The following TOGARAM1 variants were observed in gnomAD, a reference collection of about 807,000 sequenced individuals.
The protein encoded by TOGARAM1 is TOG array regulator of axonemal microtubules 1.
TOGARAM1 carries 100 observed loss-of-function variants against 166.6 expected under a neutral mutation model. The observed-to-expected ratio is 0.60, with a 90% CI of 0.51 to 0.71. TOGARAM1 has a LOEUF of 0.71. TOGARAM1 is among the 30% of genes least tolerant of loss of function. TOGARAM1 has a pLI of 0.00. For synonymous variants in TOGARAM1, 758 were observed against 763.8 expected, an observed-to-expected ratio of 0.99 and a Z score of 0.13; for missense variants, 2,029 against 2,102.7, an observed-to-expected ratio of 0.96 and a Z score of 0.69.
At chr14:44,984,001 T>G (rs919362511) in intron 1 of TOGARAM1, among the ~76,000 whole-genome samples, 9 of 152,320 alleles carry the variant, frequency 5.9e-5, no homozygotes, top group Admixed American at 5.2e-4. Context: ...TCACCTTGCA[T>G]GAATAGTGGG....
intron 19 of TOGARAM1, 100 bp downstream of exon 19, chr14:45,071,898 C>T: frequency 1.3e-6 from 1 of 786,092 alleles, no homozygotes; most frequent in Non-Finnish European, 2.0e-6. Flanking sequence ...CTTAATATAG[C>T]TACCCACAAA....
In TOGARAM1 at chr14:44,963,401, C is replaced by A. The variant is rs775752267; in HGVS notation, c.980C>A (p.Ala327Asp). 6.2e-7 allele frequency: 1 copy of A among 1,614,176 alleles called. No individual in the cohort carries two copies. The highest frequency in any genetic ancestry group is 8.5e-7 in the Non-Finnish European group (1 of 1,180,044). The change falls in exon 1 of 20, where the codon GCC (alanine) becomes GAC (aspartate). Residue 327 changes from alanine to aspartate, a missense_variant. Coordinates refer to ENST00000361462, the MANE Select transcript of TOGARAM1 (RefSeq NM_001308120.2). Reference sequence around the variant, plus strand: ...GTTCCTTATTATTTGGAACTTGAAGCCTCTGGATTTCCTGAAGATCCCCTT... The same window carrying A: ...GTTCCTTATTATTTGGAACTTGAAGACTCTGGATTTCCTGAAGATCCCCTT... ...SQVPYYLELE[A>D]SGFPEDPLPC...
intron 13 of TOGARAM1, among the ~76,000 whole-genome samples, chr14:45,046,109 T>C (rs556180705): frequency 6.6e-6 from 1 of 151,970 alleles, no homozygotes; most frequent in South Asian, 2.1e-4. Context: ...CACAGGATGA[T>C]TGTTGAGGAG....
In TOGARAM1 at chr14:45,046,693, C is replaced by G. The variant is rs1184409603; in HGVS notation, c.4303C>G (p.Gln1435Glu). ...TGCTAAGTTTGCTCAAGACAGTTCA[C>G]AAGAAACCAGGTGAATATCTGCTAA... is the stretch of plus-strand genomic sequence containing the variant. Reference protein sequence around the residue: ...AAAKFAQDSSQETRYYGRKML... With the variant: ...AAAKFAQDSSEETRYYGRKML... Residue 1435 changes from glutamine (Q) to glutamate (E), a missense_variant, in exon 14 of 20, where the codon CAA (glutamine) becomes GAA (glutamate). Physicochemically the swap from Gln to Glu is conservative, Grantham distance 29. This residue lies in a region of TOGARAM1 where 576 missense variants were observed against 670.5 expected (regional missense o/e 0.86). Coordinates refer to ENST00000361462, the MANE Select transcript of TOGARAM1 (RefSeq NM_001308120.2). The G allele has an allele frequency of 7.8e-7, 1 of 1,285,270 alleles. No individual in the cohort carries two copies. The highest frequency in any genetic ancestry group is 9.9e-7 in the Non-Finnish European group (1 of 1,006,074). The allele number at this position is 1,285,270 out of a possible 1,614,324, so 79.6% of individuals were successfully genotyped here.
chr14:44,993,268 C>T (rs180857761), intron 1 of TOGARAM1, among the ~76,000 whole-genome samples: 95 of 151,380 alleles, frequency 6.3e-4, no homozygotes, highest in African/African-American at 2.2e-3. Flanking sequence ...GCCTGAGCAA[C>T]AGAGTGAGAA....
chr14:45,054,853 C>T (rs143926827), intron 16 of TOGARAM1, among the ~76,000 whole-genome samples: 67 of 151,948 alleles, frequency 4.4e-4, no homozygotes, highest in African/African-American at 1.4e-3. Flanking sequence ...ATTTTTCCCC[C>T]GATTGTAAAG....
intron 11 of TOGARAM1, among the ~76,000 whole-genome samples, chr14:45,034,040 C>A (rs966034122): frequency 6.6e-6 from 1 of 152,070 alleles, no homozygotes; most frequent in African/African-American, 2.4e-5. Context: ...GTCTGTAGTA[C>A]CAGCCACTTG....
chr14:45,056,437 G>A (rs2138982389), intron 16 of TOGARAM1, among the ~76,000 whole-genome samples: 1 of 152,234 alleles, frequency 6.6e-6, no homozygotes, highest in Admixed American at 6.5e-5. Context: ...GGGCATCTTT[G>A]ACTTGTTCCA....
intron 16 of TOGARAM1, among the ~76,000 whole-genome samples, chr14:45,057,360 T>G (rs1233552455): frequency 6.6e-6 from 1 of 152,166 alleles, no homozygotes; most frequent in African/African-American, 2.4e-5. Flanking sequence ...CTTGGGGGTT[T>G]GTTTTATTAT....
At chr14:45,023,097 C>A (rs755002232) in intron 7 of TOGARAM1, 1 of 152,174 alleles carries the variant, frequency 6.6e-6, no homozygotes, top group African/African-American at 2.4e-5. Flanking sequence ...GAATTACTTT[C>A]AAGTATTCCA....
chr14:45,048,744 A>G (rs1195705430), intron 14 of TOGARAM1, among the ~76,000 whole-genome samples: 2 of 152,190 alleles, frequency 1.3e-5, no homozygotes, highest in East Asian at 3.9e-4. Context: ...TGGGAGTTGG[A>G]GGCGGGTGGA....
intron 16 of TOGARAM1, among the ~76,000 whole-genome samples, chr14:45,060,136 T>C (rs1882838730): frequency 6.6e-6 from 1 of 151,188 alleles, no homozygotes; most frequent in Non-Finnish European, 1.5e-5. Flanking sequence ...GCCAGGATGG[T>C]CTCGATCTCC....
At chr14:45,022,712 A>C (rs901187244) in intron 7 of TOGARAM1, among the ~76,000 whole-genome samples, 1 of 152,004 alleles carries the variant, frequency 6.6e-6, no homozygotes, top group Non-Finnish European at 1.5e-5. Context: ...GGATTACCCC[A>C]TACTCAGGGT....
chr14:44,966,876 G>C (rs1332135062), intron 1 of TOGARAM1, among the ~76,000 whole-genome samples: 1 of 152,148 alleles, frequency 6.6e-6, no homozygotes, highest in African/African-American at 2.4e-5. Context: ...GATTGCTTGA[G>C]CCCAGGAGTT....
At chr14:45,011,420 C>G (rs796811755) in intron 6 of TOGARAM1, among the ~76,000 whole-genome samples, 1 of 152,164 alleles carries the variant, frequency 6.6e-6, no homozygotes, top group Admixed American at 6.5e-5. Flanking sequence ...TCAGGTGATC[C>G]TCCCACCTCG....
intron 7 of TOGARAM1, among the ~76,000 whole-genome samples, chr14:45,022,150 T>A (rs1481259338): frequency 6.6e-6 from 1 of 151,860 alleles, no homozygotes; most frequent in Non-Finnish European, 1.5e-5. Flanking sequence ...AGTCCCTGGG[T>A]TACTGTTGCC....
At chr14:44,972,712 A>T (rs1165342918) in intron 1 of TOGARAM1, among the ~76,000 whole-genome samples, 1 of 152,138 alleles carries the variant, frequency 6.6e-6, no homozygotes, top group Non-Finnish European at 1.5e-5. Context: ...TAATGTTAGC[A>T]TGGTGTACCT....
In TOGARAM1 at chr14:45,039,755, A is replaced by G. The variant is rs556504361; in HGVS notation, c.3813-3931A>G. On this transcript the variant is annotated intron_variant, in intron 11 of 19. Coordinates refer to ENST00000361462, the MANE Select transcript of TOGARAM1 (RefSeq NM_001308120.2). ...AGGGGGGTTTCCAGGGCCCCTGAGA[A>G]CACAGGAATGCCCAGGTCTGCAGCT... Among the ~76,000 whole-genome samples the G allele has an allele frequency of 7.1e-3, 1,075 of 152,230 alleles. 5 individuals are homozygous for G. The highest frequency in any genetic ancestry group is 0.012 in the Non-Finnish European group (826 of 68,000).
chr14:45,001,251 G>C (rs979623165), intron 3 of TOGARAM1, among the ~76,000 whole-genome samples: 1 of 152,208 alleles, frequency 6.6e-6, no homozygotes, highest in South Asian at 2.1e-4. Context: ...TGCAAAAATC[G>C]AATCAAAATT....
Sources: allele counts gnomAD v4.1 joint callset (sites outside exome capture counted in the v4.1 genomes callset), GRCh38; gene constraint gnomAD v4.1.1; regional missense constraint gnomAD v4.1.1; transcripts MANE v1.5; gene names NCBI Gene and HGNC (gene_info 2026-07-23, HGNC 2026-07-21).